Variants in GPR148 observed in about 807,000 individuals in gnomAD.
GPR148 encodes probable G protein-coupled receptor 148.
For synonymous variants in GPR148, 173 were observed against 187.9 expected, an observed-to-expected ratio of 0.92 and a Z score of 0.65; for missense variants, 424 against 435.3, an observed-to-expected ratio of 0.97 and a Z score of 0.23.
chr2:130,729,409 C>A, the GPR148 span: 1 of 1,614,274 alleles, frequency 6.2e-7, no homozygotes, highest in South Asian at 1.1e-5. Flanking sequence ...AGCCCCACTA[C>A]CTGCTCCCGG....
rs1487210953 is a variant in GPR148, at chr2:130,729,601, C to G, written c.450C>G (p.Val150=). The G allele has an allele frequency of 2.5e-6, 4 of 1,614,228 alleles. No homozygotes were observed. Among genetic ancestry groups the G allele is most frequent in the Non-Finnish European group, 3.4e-6 (4 of 1,180,010 alleles). The change falls in exon 1 of 1, where the codon GTC becomes GTG. Residue 150 remains valine, a synonymous_variant. Coordinates refer to ENST00000309926, the MANE Select transcript of GPR148 (RefSeq NM_207364.2). ...TAIVLHTYLA[V]IHPLRYLSFM... is the part of the protein sequence containing the mutation. ...TTGTGCTGCACACCTACCTGGCAGT[C>G]ATCCATCCACTGCGCTACCTCTCCT...
chr2:130,729,678 C>T lies in GPR148; in HGVS notation c.527C>T (p.Ala176Val), dbSNP rs1688446773. Residue 176 changes from alanine (A) to valine (V), a missense_variant, in exon 1 of 1, where the codon GCC becomes GTC. By Grantham distance (64) the Ala-to-Val change is moderately conservative (BLOSUM62 0). Coordinates refer to ENST00000309926, the MANE Select transcript of GPR148 (RefSeq NM_207364.2). ...WKAVALIWLV[A>V]CCFPTFLIWL... ...GCAGTGGCCCTCATCTGGCTGGTGG[C>T]CTGCTGCTTCCCCACATTCCTTATT... 2.5e-6 allele frequency: 4 copies of T among 1,614,294 alleles called. No individual in the cohort carries two copies. The East Asian group carries it at 8.9e-5, about 36-fold the overall frequency.
In GPR148 at chr2:130,729,958, G is replaced by A; in HGVS notation, c.807G>A (p.Leu269=). ...GCACCCTGCTGATCCACTCAGTGCT[G>A]ATCACATTGTACGTGAGCACAGGGG... is the stretch of plus-strand genomic sequence containing the variant. ...ARGTLLIHSV[L]ITLYVSTGVV... The change falls in exon 1 of 1, where the codon CTG becomes CTA. Residue 269 remains leucine, a synonymous_variant. Coordinates refer to ENST00000309926, the MANE Select transcript of GPR148 (RefSeq NM_207364.2). 6.4e-7 allele frequency: 1 copy of A among 1,560,996 alleles called. No individual in the cohort carries two copies. Among genetic ancestry groups the A allele is most frequent in the Non-Finnish European group, 8.7e-7 (1 of 1,152,276 alleles).
In GPR148 at chr2:130,730,004, G is replaced by A. The variant is rs1445709662; in HGVS notation, c.853G>A (p.Val285Met). 2 of 1,566,780 alleles carry A rather than the reference G, an allele frequency of 1.3e-6. No individual in the cohort carries two copies. The highest frequency in any genetic ancestry group is 2.3e-5 in the East Asian group (1 of 44,436). ...AGGGGTGGTGTTCTCCCTGGACATG[G>A]TGCTGACCAGGTACCACCACATTGA... ...STGVVFSLDM[V>M]LTRYHHIDSG... Residue 285 changes from valine (V) to methionine (M), a missense_variant, in exon 1 of 1, where the codon GTG (valine) becomes ATG (methionine). Physicochemically the swap from Val to Met is conservative, Grantham distance 21. Transcript: ENST00000309926.
Position 130,730,085 on chromosome 2 carries a change from C to T in GPR148, c.934C>T (p.Pro312Ser), listed in dbSNP as rs141293753. 3.4e-5 allele frequency: 55 copies of T among 1,606,982 alleles called. 1 individual carries two copies. Among genetic ancestry groups the T allele is most frequent in the African/African-American group, 1.3e-5 (1 of 74,782 alleles). The change falls in exon 1 of 1, where the codon CCC becomes TCC. Residue 312 changes from proline to serine, a missense_variant. Transcript: ENST00000309926. ...TAACAGTGAGGTACTCATGATGCTT[C>T]CCCGTGCCATGCTCACATACCTGTA... ...AANSEVLMML[P>S]RAMLTYLYLL...
chr2:130,729,916 C>A lies in GPR148; in HGVS notation c.765C>A (p.Gly255=), dbSNP rs747717939. ...EAKTSGIWGQ[G]YSRARGTLLI... ...AGACTTCAGGCATCTGGGGGCAGGG[C>A]TATTCCCGGGCCAGGGGCACCCTGC... is the stretch of plus-strand genomic sequence containing the variant. Residue 255 remains glycine (G), a synonymous_variant, in exon 1 of 1, where the codon GGC becomes GGA. Coordinates refer to ENST00000309926, the MANE Select transcript of GPR148 (RefSeq NM_207364.2). The A allele has an allele frequency of 6.3e-7, 1 of 1,580,944 alleles. No homozygotes were observed. Among genetic ancestry groups the A allele is most frequent in the Non-Finnish European group, 8.6e-7 (1 of 1,163,622 alleles).
the GPR148 span, chr2:130,729,492 G>A: frequency 1.9e-6 from 3 of 1,614,216 alleles, no homozygotes; most frequent in African/African-American, 2.7e-5. Context: ...CTGGGTGGCT[G>A]GGAGCTGGGC....
At position 130,729,171 on chromosome 2, in the gene GPR148, C is replaced by T; in HGVS notation, c.20C>T (p.Pro7Leu). The change falls in exon 1 of 1, where the codon CCT becomes CTT. Residue 7 changes from proline (P) to leucine (L), a missense_variant. Pro to Leu is a moderately conservative substitution (Grantham distance 98). Transcript: ENST00000309926. MGDELA[P>L]CPVGTTAWPA... ...GGAAGCATGGGGGATGAGCTGGCAC[C>T]TTGCCCTGTGGGCACTACAGCTTGG... 6.5e-7 allele frequency: 1 copy of T among 1,537,942 alleles called. No individual in the cohort carries two copies. Among genetic ancestry groups the T allele is most frequent in the Middle Eastern group, 1.8e-4 (1 of 5,474 alleles).
In GPR148 at chr2:130,729,755, A is replaced by G. The variant is rs1688447931; in HGVS notation, c.604A>G (p.Ile202Val). The change falls in exon 1 of 1, where the codon ATC becomes GTC. Residue 202 changes from isoleucine (I) to valine (V), a missense_variant. Transcript: ENST00000309926. ...AQLEEQGASY[I>V]LPPSMGTQPG... is the part of the protein sequence containing the mutation. ...GCTGGAGGAGCAAGGAGCTTCATAC[A>G]TCCTACCACCAAGCATGGGCACCCA... 2 of 1,614,026 alleles carry G rather than the reference A, an allele frequency of 1.2e-6. No individual in the cohort carries two copies. The highest frequency in any genetic ancestry group is 1.7e-6 in the Non-Finnish European group (2 of 1,179,854).
rs1688448781 is a variant in GPR148, at chr2:130,729,816, C to T, written c.665C>T (p.Thr222Ile). 3 of 1,606,264 alleles carry T rather than the reference C, an allele frequency of 1.9e-6. No individual in the cohort carries two copies. The highest frequency in any genetic ancestry group is 2.2e-5 in the East Asian group (1 of 44,758). The change falls in exon 1 of 1, where the codon ACC (threonine) becomes ATC (isoleucine). Residue 222 changes from threonine (T) to isoleucine (I), a missense_variant. Transcript: ENST00000309926. ...GGCCTCCTGGTCATTGTTACCTACA[C>T]CTCCATTCTGTGCGTTCTGTTCCTC... ...GCGLLVIVTY[T>I]SILCVLFLCT... is the part of the protein sequence containing the mutation.
In GPR148 at chr2:130,729,442, G is replaced by A; in HGVS notation, c.291G>A (p.Leu97=). The part of the protein sequence containing the change: ...LLPANILLSD[L]AYILLHMLIS... ...CGGCTAACATCCTGCTCTCAGACCTGGCCTACATTCTCCTCCACATGCTCA... is the reference window on the plus strand; with the variant it reads ...CGGCTAACATCCTGCTCTCAGACCTAGCCTACATTCTCCTCCACATGCTCA... The change falls in exon 1 of 1, where the codon CTG becomes CTA. Residue 97 remains leucine, a synonymous_variant. Transcript: ENST00000309926. 1 of 1,614,252 alleles carries A rather than the reference G, an allele frequency of 6.2e-7. No individual in the cohort carries two copies. Among genetic ancestry groups the A allele is most frequent in the African/African-American group, 1.3e-5 (1 of 75,074 alleles).
At position 130,729,580 on chromosome 2, in the gene GPR148, G is replaced by A; in HGVS notation, c.429G>A (p.Val143=). The A allele has an allele frequency of 6.2e-7, 1 of 1,614,154 alleles. No individual in the cohort carries two copies. The highest frequency in any genetic ancestry group is 1.3e-5 in the African/African-American group (1 of 75,070). ...TSTILSFTAI[V]LHTYLAVIHP... is the part of the protein sequence containing the mutation. ...CCATCCTGTCCTTCACCGCCATTGT[G>A]CTGCACACCTACCTGGCAGTCATCC... Residue 143 remains valine (V), a synonymous_variant, in exon 1 of 1, where the codon GTG becomes GTA. Coordinates refer to ENST00000309926, the MANE Select transcript of GPR148 (RefSeq NM_207364.2).
At position 130,730,225 on chromosome 2, in the gene GPR148, A is replaced by G. The variant is rs138628214; in HGVS notation, c.*30A>G. Reference sequence around the variant, plus strand: ...CTTGAGTCCACAGTCTGGCAAGCTGAGGTTAAAAATCATATGTTGAATGCA... The same window carrying G: ...CTTGAGTCCACAGTCTGGCAAGCTGGGGTTAAAAATCATATGTTGAATGCA... On this transcript the variant is annotated 3_prime_UTR_variant, in exon 1 of 1. Coordinates refer to ENST00000309926, the MANE Select transcript of GPR148 (RefSeq NM_207364.2). 23,441 of 1,559,264 alleles carry G rather than the reference A, an allele frequency of 0.015. 288 individuals are homozygous for G. Among genetic ancestry groups the G allele is most frequent in the Non-Finnish European group, 0.015 (17,760 of 1,146,278 alleles).
rs771723608 is a variant in GPR148 at position 130,730,076 on chromosome 2, A to C, written c.925A>C (p.Met309Leu). The change falls in exon 1 of 1, where the codon ATG (methionine) becomes CTG (leucine). Residue 309 changes from methionine (M) to leucine (L), a missense_variant. Met to Leu is a conservative substitution (Grantham distance 15). Coordinates refer to ENST00000309926, the MANE Select transcript of GPR148 (RefSeq NM_207364.2). ...CCTGGCAGCTAACAGTGAGGTACTC[A>C]TGATGCTTCCCCGTGCCATGCTCAC... ...WLLAANSEVL[M>L]MLPRAMLTYL... is the part of the protein sequence containing the mutation. 9 of 1,605,390 alleles carry C rather than the reference A, an allele frequency of 5.6e-6. No individual in the cohort carries two copies. The highest frequency in any genetic ancestry group is 4.5e-5 in the East Asian group (2 of 44,764).
Position 130,730,248 on chromosome 2 carries a change from G to A in GPR148, c.*53G>A. The A allele has an allele frequency of 1.4e-6, 2 of 1,431,784 alleles. No individual in the cohort carries two copies. Among genetic ancestry groups the A allele is most frequent in the Non-Finnish European group, 1.9e-6 (2 of 1,042,144 alleles). The allele number at this position is 1,431,784 out of a possible 1,614,324, so 88.7% of individuals were successfully genotyped here. A position where few individuals can be genotyped will look rare whatever the true frequency, so the allele number is the denominator to read the frequency against. On this transcript the variant is annotated 3_prime_UTR_variant, in exon 1 of 1. Coordinates refer to ENST00000309926, the MANE Select transcript of GPR148 (RefSeq NM_207364.2). Reference sequence around the variant, plus strand: ...TGAGGTTAAAAATCATATGTTGAATGCAGCAGTGTCCACTTATGACTAACT... The same window carrying A: ...TGAGGTTAAAAATCATATGTTGAATACAGCAGTGTCCACTTATGACTAACT...
In GPR148 at chr2:130,729,781, G is replaced by A; in HGVS notation, c.630G>A (p.Gln210=). Residue 210 remains glutamine (Q), a synonymous_variant, in exon 1 of 1, where the codon CAG becomes CAA. Transcript: ENST00000309926. ...SYILPPSMGT[Q]PGCGLLVIVT... Reference sequence around the variant, plus strand: ...TCCTACCACCAAGCATGGGCACCCAGCCGGGATGTGGCCTCCTGGTCATTG... The same window carrying A: ...TCCTACCACCAAGCATGGGCACCCAACCGGGATGTGGCCTCCTGGTCATTG... The A allele has an allele frequency of 6.2e-7, 1 of 1,612,598 alleles. No homozygotes were observed. Among genetic ancestry groups the A allele is most frequent in the South Asian group, 1.1e-5 (1 of 90,988 alleles).
rs1464479949 is a variant in GPR148, at chr2:130,729,848, G to A, written c.697G>A (p.Ala233Thr). 1.9e-6 allele frequency: 3 copies of A among 1,594,510 alleles called. No homozygotes were observed. Among genetic ancestry groups the A allele is most frequent in the Non-Finnish European group, 2.6e-6 (3 of 1,168,186 alleles). The change falls in exon 1 of 1, where the codon GCT (alanine) becomes ACT (threonine). Residue 233 changes from alanine (A) to threonine (T), a missense_variant. Transcript: ENST00000309926. ...TCTGTGCGTTCTGTTCCTCTGCACA[G>A]CTCTCATTGCCAACTGTTTCTGGAG... ...SILCVLFLCT[A>T]LIANCFWRIY...
In GPR148 at chr2:130,730,025, A is replaced by G. The variant is rs1688453004; in HGVS notation, c.874A>G (p.Ile292Val). 1.9e-6 allele frequency: 3 copies of G among 1,580,768 alleles called. No homozygotes were observed. Among genetic ancestry groups the G allele is most frequent in the African/African-American group, 1.3e-5 (1 of 74,396 alleles). The change falls in exon 1 of 1, where the codon ATT (isoleucine) becomes GTT (valine). Residue 292 changes from isoleucine to valine, a missense_variant. Coordinates refer to ENST00000309926, the MANE Select transcript of GPR148 (RefSeq NM_207364.2). ...LDMVLTRYHH[I>V]DSGTHTWLLA... ...CATGGTGCTGACCAGGTACCACCAC[A>G]TTGACTCTGGGACTCACACATGGCT...
Position 130,729,481 on chromosome 2 carries a change from C to A in GPR148, c.330C>A (p.Ser110Arg), listed in dbSNP as rs745924705. Residue 110 changes from serine (S) to arginine (R), a missense_variant, in exon 1 of 1, where the codon AGC becomes AGA. Transcript: ENST00000309926. ...TCCACATGCTCATCTCCTCCAGCAG[C>A]CTGGGTGGCTGGGAGCTGGGCCGCA... The part of the protein sequence containing the change: ...ILLHMLISSS[S>R]LGGWELGRMA... 8 of 1,614,116 alleles carry A rather than the reference C, an allele frequency of 5.0e-6. No homozygotes were observed. Among genetic ancestry groups the A allele is most frequent in the Admixed American group, 1.7e-5 (1 of 60,016 alleles).
Sources: gnomAD v4.1 joint callset for allele counts on GRCh38, gnomAD v4.1.1 for gene constraint, MANE v1.5 for transcripts, NCBI Gene and HGNC (gene_info 2026-07-23, HGNC 2026-07-21) for gene names.